SCAP: variants seen among roughly 807,000 people sequenced by gnomAD.
The protein encoded by SCAP is sterol regulatory element-binding protein cleavage-activating protein.
A neutral mutation model predicts 123.6 loss-of-function variants in SCAP; 65 were observed. The observed-to-expected ratio is 0.53, with a 90% CI of 0.43 to 0.65. The LOEUF is 0.65. SCAP is among the 30% of genes least tolerant of loss of function. The pLI is 0.00. For missense variants in SCAP, 1,398 were observed against 1,712.5 expected, an observed-to-expected ratio of 0.82 and a Z score of 3.24; for synonymous variants, 740 against 726.3, an observed-to-expected ratio of 1.02 and a Z score of -0.30.
intron 2 of SCAP, among the ~76,000 whole-genome samples, chr3:47,435,489 C>T (rs1238540027): frequency 6.7e-6 from 1 of 150,322 alleles, no homozygotes; most frequent in African/African-American, 2.4e-5. Flanking sequence ...CACACACACA[C>T]ACACACACAC....
Position 47,450,511 on chromosome 3 carries a change from GT to G in SCAP, c.-98-7421del, listed in dbSNP as rs572545256. ...TTTGTGTAATGTGATTATATGCAGG[GT>G]TTTTTTTTTTTTTTCCTTGAGACAG... On this transcript the variant is annotated intron_variant, in intron 1 of 22. Coordinates refer to ENST00000265565, the MANE Select transcript of SCAP (RefSeq NM_012235.4). Among the ~76,000 whole-genome samples, 201 of 105,362 alleles carry G rather than the reference GT, an allele frequency of 1.9e-3. 24 individuals are homozygous for G. The highest frequency in any genetic ancestry group is 3.0e-3 in the Non-Finnish European group (146 of 48,874). 69.1% of individuals were successfully genotyped at this position (105,362 alleles called of 152,430 possible). A position where few individuals can be genotyped will look rare whatever the true frequency, so the allele number is the denominator to read the frequency against.
In SCAP at chr3:47,442,948, A is replaced by G; in HGVS notation, c.46T>C (p.Tyr16His). The change falls in exon 2 of 23, where the codon TAC (tyrosine) becomes CAC (histidine). Residue 16 changes from tyrosine (Y) to histidine (H), a missense_variant. Coordinates refer to ENST00000265565, the MANE Select transcript of SCAP (RefSeq NM_012235.4). ...RLREKISRAF[Y>H]NHGLLCASYP... The stretch of plus-strand genomic sequence containing the variant: ...GATGCACAGAGGAGCCCATGGTTGT[A>G]GAAGGCCCGAGATATCTTCTCACGC... 6.2e-7 allele frequency: 1 copy of G among 1,614,202 alleles called. No individual in the cohort carries two copies. The highest frequency in any genetic ancestry group is 8.5e-7 in the Non-Finnish European group (1 of 1,180,040).
intron 18 of SCAP, 143 bp downstream of exon 18, chr3:47,416,979 C>T: frequency 1.4e-6 from 1 of 729,338 alleles, no homozygotes; most frequent in Non-Finnish European, 2.3e-6. Context: ...GCCCTCTGCT[C>T]ACAGGTGTGG....
intron 1 of SCAP, among the ~76,000 whole-genome samples, chr3:47,463,127 T>C (rs535622156): frequency 6.6e-6 from 1 of 152,308 alleles, no homozygotes; most frequent in South Asian, 2.1e-4. Context: ...AGCTGTTCTT[T>C]CCCAGCCATC....
In SCAP at chr3:47,419,848, T is replaced by C; in HGVS notation, c.1564-144A>G. The C allele has an allele frequency of 1.0e-6, 1 of 954,510 alleles. No homozygotes were observed. The highest frequency in any genetic ancestry group is 3.4e-5 in the Admixed American group (1 of 29,242). The allele number at this position is 954,510 out of a possible 1,614,324, so 59.1% of individuals were successfully genotyped here. A position where few individuals can be genotyped will look rare whatever the true frequency, so the allele number is the denominator to read the frequency against. ...CAGGCCCCACTGCGTCCTTTTCTCCTGCCTCTCCAAGTCCTCCTGCTAACA... is the reference window on the plus strand; with the variant it reads ...CAGGCCCCACTGCGTCCTTTTCTCCCGCCTCTCCAAGTCCTCCTGCTAACA... On this transcript the variant is annotated intron_variant, in intron 12 of 22. Transcript: ENST00000265565. The surrounding 1 kb of genome is among the most constrained non-coding windows in gnomAD (Gnocchi z 5.0).
At chr3:47,433,604 C>T (rs1423576213) in intron 3 of SCAP, among the ~76,000 whole-genome samples, 15 of 152,214 alleles carry the variant, frequency 9.9e-5, no homozygotes, top group East Asian at 7.7e-4. Context: ...CAATGGCTCA[C>T]GCCTGTAATC....
Position 47,442,703 on chromosome 3 carries a change from A to G in SCAP, c.122+169T>C, listed in dbSNP as rs1185012992. Among the ~76,000 whole-genome samples the G allele has an allele frequency of 2.6e-5, 4 of 152,186 alleles. No individual in the cohort carries two copies. In the East Asian group the frequency reaches 7.7e-4, roughly 29 times the overall value. On this transcript the variant is annotated intron_variant, in intron 2 of 22. Coordinates refer to ENST00000265565, the MANE Select transcript of SCAP (RefSeq NM_012235.4). ...GGGCCAGCCAGGACTATTTTATTAT[A>G]TTAGCTAACCAGGCCAGGACTAGAG...
At position 47,414,160 on chromosome 3, in the gene SCAP, A is replaced by G; in HGVS notation, c.3594+20T>C. On this transcript the variant is annotated intron_variant, in intron 22 of 22. Transcript: ENST00000265565. ...CCTTCCCTAAAATCCCAAGAATCCT[A>G]TGATCCCCATCCCCTCTACCTGCTG... 6.2e-7 allele frequency: 1 copy of G among 1,613,606 alleles called. No individual in the cohort carries two copies. The highest frequency in any genetic ancestry group is 8.5e-7 in the Non-Finnish European group (1 of 1,179,998).
chr3:47,474,394 AGT>A (rs1423010205), intron 1 of SCAP, among the ~76,000 whole-genome samples: 1 of 152,252 alleles, frequency 6.6e-6, no homozygotes, highest in Non-Finnish European at 1.5e-5. Context: ...ATATTTATAC[AGT>A]GTTAAATATA....
In SCAP at chr3:47,413,718, T is replaced by C. The variant is rs1225020208; in HGVS notation, c.*136A>G. ...TGCCTGACAGATGATGATATGGTTT[T>C]TTAAAAAAGTTTAATATTATTACAG... On this transcript the variant is annotated 3_prime_UTR_variant, in exon 23 of 23. Transcript: ENST00000265565. 8.0e-7 allele frequency: 1 copy of C among 1,247,038 alleles called. No homozygotes were observed. Among genetic ancestry groups the C allele is most frequent in the Admixed American group, 2.3e-5 (1 of 43,698 alleles). 77.2% of individuals were successfully genotyped at this position (1,247,038 alleles called of 1,614,324 possible).
rs1385518697 is a variant in SCAP, at chr3:47,414,635, G to A, written c.3324C>T (p.Asp1108=). ...CCTGAAGGGTGAAGAGGCAGCACGA[G>A]TCCTCCAGACGGAACACCTGGGACA... is the stretch of plus-strand genomic sequence containing the variant. The part of the protein sequence containing the change: ...DHTLRVFRLE[D]SCCLFTLQGH... Residue 1108 remains aspartate, a synonymous_variant, in exon 21 of 23, where the codon GAC becomes GAT. Coordinates refer to ENST00000265565, the MANE Select transcript of SCAP (RefSeq NM_012235.4). 1 of 1,613,226 alleles carries A rather than the reference G, an allele frequency of 6.2e-7. No individual in the cohort carries two copies. The highest frequency in any genetic ancestry group is 1.3e-5 in the African/African-American group (1 of 74,938).
chr3:47,441,213 TAAAAGA>T (rs973814612), intron 2 of SCAP, among the ~76,000 whole-genome samples: 6 of 151,968 alleles, frequency 3.9e-5, no homozygotes, highest in Non-Finnish European at 7.4e-5. Context: ...TCTTTCCTCT[TAAAAGA>T]AAAACAGGGT....
At chr3:47,462,185 ATTG>A (rs1489261587) in intron 1 of SCAP, among the ~76,000 whole-genome samples, 1 of 152,212 alleles carries the variant, frequency 6.6e-6, no homozygotes, top group Non-Finnish European at 1.5e-5. Context: ...GTACATTCAT[ATTG>A]TTGTGCAGCC....
intron 1 of SCAP, chr3:47,469,767 T>C: frequency 2.0e-6 from 1 of 503,710 alleles, no homozygotes; most frequent in South Asian, 1.6e-5. Flanking sequence ...TCCCCAGCCA[T>C]GTGGAACTTA....
At chr3:47,472,229 C>T (rs1231879019) in intron 1 of SCAP, among the ~76,000 whole-genome samples, 3 of 151,086 alleles carry the variant, frequency 2.0e-5, no homozygotes, top group Non-Finnish European at 2.9e-5. Context: ...GTCAGGAGAT[C>T]GAGACCATCC....
In SCAP at chr3:47,417,539, A is replaced by G; in HGVS notation, c.2735T>C (p.Phe912Ser). The G allele has an allele frequency of 6.4e-7, 1 of 1,570,386 alleles. No homozygotes were observed. The highest frequency in any genetic ancestry group is 8.6e-7 in the Non-Finnish European group (1 of 1,158,436). Residue 912 changes from phenylalanine (F) to serine (S), a missense_variant, in exon 17 of 23, where the codon TTC (phenylalanine) becomes TCC (serine). This residue lies in a region of SCAP where 828 missense variants were observed against 882.5 expected (regional missense o/e 0.94). Coordinates refer to ENST00000265565, the MANE Select transcript of SCAP (RefSeq NM_012235.4). ...GRSRDSPGYDFSCLVQRVYQE... is the reference protein window; with the variant it reads ...GRSRDSPGYDSSCLVQRVYQE... ...GTACACCCGCTGCACCAGGCAGCTG[A>G]AGTCATAGCCTGGGGAGTCCCGAGA...
rs1318890128 is a variant in SCAP at position 47,442,910 on chromosome 3, G to C, written c.84C>G (p.Pro28=). 6.2e-7 allele frequency: 1 copy of C among 1,614,166 alleles called. No individual in the cohort carries two copies. The highest frequency in any genetic ancestry group is 1.7e-5 in the Admixed American group (1 of 60,018). The change falls in exon 2 of 23, where the codon CCC becomes CCG. Residue 28 remains proline, a synonymous_variant. Transcript: ENST00000265565. The stretch of plus-strand genomic sequence containing the variant: ...TGCAGAACCCTGTGAAGAGGATGAT[G>C]GGGATGGGATAGGATGCACAGAGGA... ...HGLLCASYPI[P]IILFTGFCIL...
Position 47,425,469 on chromosome 3 carries a change from C to T in SCAP, c.1037+16G>A. 6.2e-7 allele frequency: 1 copy of T among 1,612,078 alleles called. No individual in the cohort carries two copies. The highest frequency in any genetic ancestry group is 1.7e-4 in the Middle Eastern group (1 of 6,058). ...GAGCCCACCCTGTGGCCCAGTGGAG[C>T]CTGCTAGGGACCTACCCGCCATTGA... On this transcript the variant is annotated intron_variant, in intron 8 of 22. Transcript: ENST00000265565.
Position 47,427,577 on chromosome 3 carries a change from A to G in SCAP, c.501T>C (p.His167=). The change falls in exon 5 of 23, where the codon CAT becomes CAC. Residue 167 remains histidine, a synonymous_variant. Transcript: ENST00000265565. ...LRKLRNLLPE[H]GCLLLSPGNF... is the part of the protein sequence containing the mutation. ...TCCCAGGGGACAGCAGCAGGCATCCATGCTCAGGGAGTAGGTTCCTGAGCT... is the reference window on the plus strand; with the variant it reads ...TCCCAGGGGACAGCAGCAGGCATCCGTGCTCAGGGAGTAGGTTCCTGAGCT... 1 of 1,614,212 alleles carries G rather than the reference A, an allele frequency of 6.2e-7. No homozygotes were observed. Among genetic ancestry groups the G allele is most frequent in the Non-Finnish European group, 8.5e-7 (1 of 1,180,026 alleles).
Sources: allele counts gnomAD v4.1 joint callset (sites outside exome capture counted in the v4.1 genomes callset), GRCh38; gene constraint gnomAD v4.1.1; regional missense constraint gnomAD v4.1.1; non-coding constraint Gnocchi (gnomAD v3.1); transcripts MANE v1.5; gene names NCBI Gene and HGNC (gene_info 2026-07-23, HGNC 2026-07-21).